Variants in CROCC2 observed in about 807,000 individuals in gnomAD.
The protein encoded by CROCC2 is ciliary rootlet coiled-coil, rootletin family member 2, also known as ciliary rootlet coiled-coil protein 2.
Under a neutral mutation model 177.6 loss-of-function variants are expected in CROCC2, and 163 were observed. That is an observed-to-expected ratio of 0.92 (90% CI 0.81 to 1.05). CROCC2 has a LOEUF of 1.05. CROCC2 is among the 50% of genes least tolerant of loss of function. CROCC2 has a pLI of 0.00. For missense variants in CROCC2, 1,929 were observed against 1,797.8 expected (o/e 1.07, Z -1.32); for synonymous variants, 904 against 787.3 (o/e 1.15, Z -2.48).
intron 1 of CROCC2, among the ~76,000 whole-genome samples, chr2:240,916,180 G>A (rs1311738413): frequency 6.6e-6 from 1 of 152,024 alleles, no homozygotes. Flanking sequence ...GGTCCTAAGC[G>A]CTTAGGCTGG....
intron 15 of CROCC2, 26 bp downstream of exon 15, chr2:240,946,279 C>T (rs552796583): frequency 1.1e-5 from 16 of 1,506,228 alleles, no homozygotes; most frequent in African/African-American, 1.4e-5. Flanking sequence ...CCAGTCAGGG[C>T]ATGTCCCACG....
intron 14 of CROCC2, among the ~76,000 whole-genome samples, chr2:240,945,729 T>A (rs767525689): frequency 5.3e-5 from 8 of 152,096 alleles, no homozygotes; most frequent in Non-Finnish European, 1.0e-4. Flanking sequence ...AGTTTTCTGT[T>A]ACCTTCTATT....
Position 240,930,252 on chromosome 2 carries a change from G to A in CROCC2, c.732G>A (p.Leu244=). 1 of 567,502 alleles carries A rather than the reference G, an allele frequency of 1.8e-6. No homozygotes were observed. The highest frequency in any genetic ancestry group is 1.9e-5 in the African/African-American group (1 of 51,724). The allele number at this position is 567,502 out of a possible 1,614,324, so 35.2% of individuals were successfully genotyped here. A position where few individuals can be genotyped will look rare whatever the true frequency, so the allele number is the denominator to read the frequency against. ...AVVLGTDLAE[L]RVATERGLAD... The stretch of plus-strand genomic sequence containing the variant: ...TGCTGGGGACAGACCTGGCCGAGCT[G>A]CGTGTAGCCACTGAGAGGTGAGTGC... Residue 244 remains leucine, a synonymous_variant, in exon 6 of 32, where the codon CTG becomes CTA. Coordinates refer to ENST00000690015, the MANE Select transcript of CROCC2 (RefSeq NM_001351305.2).
At chr2:240,976,136 C>A (rs1298209028) in intron 27 of CROCC2, among the ~76,000 whole-genome samples, 9 of 152,190 alleles carry the variant, frequency 5.9e-5, no homozygotes, top group African/African-American at 1.9e-4. Context: ...CAAGACCGGG[C>A]TCATCCCTGC....
At position 240,925,034 on chromosome 2, in the gene CROCC2, GCCC is replaced by G. The variant is rs1369546707; in HGVS notation, c.489-689_489-687del. Among the ~76,000 whole-genome samples, 5 of 142,454 alleles carry G rather than the reference GCCC, an allele frequency of 3.5e-5. 1 individual carries two copies. The highest frequency in any genetic ancestry group is 4.9e-4 in the East Asian group (2 of 4,098). The allele number at this position is 142,454 out of a possible 152,430, so 93.5% of individuals were successfully genotyped here. On this transcript the variant is annotated intron_variant, in intron 4 of 31. Coordinates refer to ENST00000690015, the MANE Select transcript of CROCC2 (RefSeq NM_001351305.2). The stretch of plus-strand genomic sequence containing the variant: ...CTGACCCAGCCCCCACATTAACCCA[GCCC>G]TGCACAGCAACCAAGGCCCACCAGT...
chr2:240,962,147 C>T (rs1473753388), intron 20 of CROCC2, among the ~76,000 whole-genome samples: 1 of 152,182 alleles, frequency 6.6e-6, no homozygotes, highest in Non-Finnish European at 1.5e-5. Context: ...CTGCAGAGCT[C>T]TGGAGCTGCC....
chr2:240,909,423 C>T (rs1483797238), intron 1 of CROCC2, among the ~76,000 whole-genome samples: 1 of 152,252 alleles, frequency 6.6e-6, no homozygotes, highest in East Asian at 1.9e-4. Flanking sequence ...TGGGTGTTGG[C>T]TCCATGAGTT....
At chr2:240,911,004 GC>G (rs1283885566) in intron 1 of CROCC2, among the ~76,000 whole-genome samples, 2 of 151,928 alleles carry the variant, frequency 1.3e-5, no homozygotes, top group African/African-American at 4.8e-5. Context: ...GATGGCAGGC[GC>G]CTGTAATCCC....
At position 240,949,006 on chromosome 2, in the gene CROCC2, C is replaced by T. The variant is rs1247195594; in HGVS notation, c.2391C>T (p.Ser797=). The change falls in exon 16 of 32, where the codon AGC becomes AGT. Residue 797 remains serine (S), a synonymous_variant. Coordinates refer to ENST00000690015, the MANE Select transcript of CROCC2 (RefSeq NM_001351305.2). The surrounding 1 kb of genome is among the most constrained non-coding windows in gnomAD (Gnocchi z 4.5). The part of the protein sequence containing the change: ...LRVERDSLES[S]LLEAQQLATK... The stretch of plus-strand genomic sequence containing the variant: ...TGGAGAGGGACTCCCTGGAGAGCAG[C>T]CTCCTTGAGGCCCAACAGCTGGCCA... 6.5e-7 allele frequency: 1 copy of T among 1,550,252 alleles called. No homozygotes were observed. Among genetic ancestry groups the T allele is most frequent in the South Asian group, 1.2e-5 (1 of 84,036 alleles).
intron 28 of CROCC2, 114 bp from the exon 29 acceptor site, chr2:240,988,625 C>T: frequency 8.8e-7 from 1 of 1,139,084 alleles, no homozygotes; most frequent in Admixed American, 4.1e-5. Context: ...GCTGCCAGCT[C>T]TTAGGGGAAT....
At chr2:240,926,712 C>G (rs757330892) in intron 5 of CROCC2, among the ~76,000 whole-genome samples, 7 of 152,248 alleles carry the variant, frequency 4.6e-5, no homozygotes, top group Non-Finnish European at 7.3e-5. Context: ...CCGCCACTCG[C>G]CCCCGAGGTC....
At chr2:240,932,133 A>C (rs1266154491) in intron 7 of CROCC2, among the ~76,000 whole-genome samples, 185 bp from the exon 8 acceptor site, 2 of 152,224 alleles carry the variant, frequency 1.3e-5, no homozygotes, top group Non-Finnish European at 2.9e-5. Flanking sequence ...ACTGGGAGCC[A>C]CTGAAGGCTC....
At chr2:240,974,903 T>G (rs775673833) in intron 27 of CROCC2, among the ~76,000 whole-genome samples, 8 of 152,196 alleles carry the variant, frequency 5.3e-5, no homozygotes, top group Admixed American at 6.5e-5. Context: ...AAAGCATGAG[T>G]GTGTGTTTGT....
intron 12 of CROCC2, 114 bp from the exon 13 acceptor site, chr2:240,934,802 C>A (rs1261470275): frequency 5.0e-6 from 6 of 1,211,774 alleles, no homozygotes; most frequent in Non-Finnish European, 6.6e-6. Context: ...CCATGTCCGC[C>A]CAAGAGCTCT....
chr2:240,916,730 G>T (rs2059323906), intron 1 of CROCC2, among the ~76,000 whole-genome samples: 1 of 152,240 alleles, frequency 6.6e-6, no homozygotes, highest in South Asian at 2.1e-4. Flanking sequence ...GGGTGGCGCC[G>T]CCGATGCCCG....
intron 15 of CROCC2, among the ~76,000 whole-genome samples, chr2:240,948,425 C>T (rs1357757770): frequency 6.6e-6 from 1 of 152,142 alleles, no homozygotes; most frequent in Non-Finnish European, 1.5e-5. Context: ...GTGCACCTAC[C>T]ATTTGTGTGT....
In CROCC2 at chr2:240,960,236, C is replaced by T. The variant is rs953282454; in HGVS notation, c.3087+792C>T. ...TGGGCTCTGCCCACACAGCAGGAGG[C>T]GCGGACTTCACTGGGCTGGACACTA... On this transcript the variant is annotated intron_variant, in intron 20 of 31. Transcript: ENST00000690015. This position sits in a 1 kb window ranked among gnomAD's most constrained non-coding sequence, Gnocchi z 5.0. Among the ~76,000 whole-genome samples the T allele has an allele frequency of 3.9e-5, 6 of 152,202 alleles. 1 individual carries two copies. The highest frequency in any genetic ancestry group is 2.1e-4 in the South Asian group (1 of 4,820).
Position 240,917,440 on chromosome 2 carries a change from G to T in CROCC2, c.79-1286G>T, listed in dbSNP as rs2059327574. 6.6e-6 allele frequency among the ~76,000 whole-genome samples: 1 copy of T among 152,170 alleles called. No individual in the cohort carries two copies. ...GTGGGGGAGCAGGGCACAGCCACCA[G>T]CCCAGGCCTGAGGTCAGAGTCCGGG... On this transcript the variant is annotated intron_variant, in intron 1 of 31. Coordinates refer to ENST00000690015, the MANE Select transcript of CROCC2 (RefSeq NM_001351305.2). This position sits in a 1 kb window ranked among gnomAD's most constrained non-coding sequence, Gnocchi z 4.9.
chr2:240,975,831 G>C (rs1046121358), intron 27 of CROCC2, among the ~76,000 whole-genome samples: 2 of 148,106 alleles, frequency 1.4e-5, no homozygotes, highest in African/African-American at 5.0e-5. Flanking sequence ...CCAGGTTCAA[G>C]TGATTCTCCT....
Sources: allele counts gnomAD v4.1 joint callset (sites outside exome capture counted in the v4.1 genomes callset), GRCh38; gene constraint gnomAD v4.1.1; non-coding constraint Gnocchi (gnomAD v3.1); transcripts MANE v1.5; gene names NCBI Gene and HGNC (gene_info 2026-07-23, HGNC 2026-07-21).